Variants in MDGA2 observed in about 807,000 individuals in gnomAD.
MDGA2 encodes the protein MAM domain containing glycosylphosphatidylinositol anchor 2.
Under a neutral mutation model 117.8 loss-of-function variants are expected in MDGA2, and 40 were observed. The observed-to-expected ratio is 0.34, with a 90% confidence interval of 0.26 to 0.44. The LOEUF is 0.44. Among genes scored for constraint, MDGA2 ranks in the 20% least tolerant of loss-of-function variants. MDGA2 has a pLI of 1.00. For synonymous variants in MDGA2, 452 were observed against 439.0 expected (o/e 1.03, Z -0.37); for missense variants, 1,123 against 1,250.6 (o/e 0.90, Z 1.54).
chr14:47,292,607 T>C (rs1227231040), intron 2 of MDGA2, among the ~76,000 whole-genome samples: 1 of 152,034 alleles, frequency 6.6e-6, no homozygotes, highest in Non-Finnish European at 1.5e-5. Context: ...TGGCCATAAA[T>C]CCTTTGAAGG....
intron 1 of MDGA2, among the ~76,000 whole-genome samples, chr14:47,314,039 TTTTAAAAA>T (rs1375842733): frequency 1.3e-5 from 2 of 152,170 alleles, no homozygotes; most frequent in Non-Finnish European, 2.9e-5. Context: ...ATTATTTGAT[TTTTAAAAA>T]CACAGTTTGA....
At chr14:47,077,145 G>C (rs1890525852) in intron 6 of MDGA2, among the ~76,000 whole-genome samples, 1 of 151,996 alleles carries the variant, frequency 6.6e-6, no homozygotes, top group Non-Finnish European at 1.5e-5. Context: ...CTACTGAACA[G>C]CACAGTTAGG....
intron 10 of MDGA2, among the ~76,000 whole-genome samples, chr14:46,892,991 A>T (rs1348258293): frequency 6.6e-6 from 1 of 151,880 alleles, no homozygotes; most frequent in Non-Finnish European, 1.5e-5. Flanking sequence ...TGACCCAGAA[A>T]TCTCTTTTCT....
chr14:46,931,961 G>A (rs1297863845), intron 9 of MDGA2, among the ~76,000 whole-genome samples: 2 of 151,546 alleles, frequency 1.3e-5, no homozygotes, highest in Non-Finnish European at 2.9e-5. Flanking sequence ...CAAAAATATC[G>A]ATGGAATAAC....
chr14:47,028,220 AT>A (rs1367557334), intron 8 of MDGA2, among the ~76,000 whole-genome samples: 4 of 152,130 alleles, frequency 2.6e-5, no homozygotes, highest in Admixed American at 2.0e-4. Flanking sequence ...CATCTGGAAA[AT>A]AACTTTGAAC....
intron 8 of MDGA2, among the ~76,000 whole-genome samples, chr14:47,012,113 T>G (rs1887915323): frequency 6.6e-6 from 1 of 152,050 alleles, no homozygotes; most frequent in Non-Finnish European, 1.5e-5. Flanking sequence ...GATGACAAGA[T>G]CAGAGAAAAA....
At position 47,674,989 on chromosome 14, in the gene MDGA2, T is replaced by TGCG. The variant is rs914380334; in HGVS notation, c.-196_-194dup. ...GGAAGCGGGCTCGAGTCTCCGCAGC[T>TGCG]GCGGCGGCGGCGGCGGCGCGCTGGG... On this transcript the variant is annotated 5_prime_UTR_variant, in exon 1 of 17. Transcript: ENST00000399232. The TGCG allele has an allele frequency of 2.9e-5, 10 of 343,232 alleles. No individual in the cohort carries two copies. The highest frequency in any genetic ancestry group is 1.5e-4 in the African/African-American group (7 of 46,022). The allele number at this position is 343,232 out of a possible 1,614,324, so 21.3% of individuals were successfully genotyped here.
In MDGA2 at chr14:47,341,452, CT is replaced by C. The variant is rs1890620495; in HGVS notation, c.281-39903del. Among the ~76,000 whole-genome samples the C allele has an allele frequency of 3.3e-5, 5 of 152,106 alleles. 1 individual carries two copies. In the South Asian group the frequency reaches 1.0e-3, roughly 31 times the overall value. On this transcript the variant is annotated intron_variant, in intron 1 of 16. Transcript: ENST00000399232. ...CTATTTAAAGTGTAAGAAATATCTGCTCTTTGGTACGTAATTTCTTAATTTG... is the reference window on the plus strand; with the variant it reads ...CTATTTAAAGTGTAAGAAATATCTGCCTTTGGTACGTAATTTCTTAATTTG...
rs973079300 is a variant in MDGA2 at position 47,470,194 on chromosome 14, C to A, written c.281-168644G>T. 4.0e-5 allele frequency among the ~76,000 whole-genome samples: 6 copies of A among 151,826 alleles called. No homozygotes were observed. In the South Asian group the frequency reaches 1.0e-3, roughly 26 times the overall value. ...GTTTTGTTACATAGGTATACACGTGCCACGGCGGTTCGCTGCACCCACCAA... is the reference window on the plus strand; with the variant it reads ...GTTTTGTTACATAGGTATACACGTGACACGGCGGTTCGCTGCACCCACCAA... On this transcript the variant is annotated intron_variant, in intron 1 of 16. Transcript: ENST00000399232.
intron 5 of MDGA2, among the ~76,000 whole-genome samples, chr14:47,106,660 C>T (rs1306196424): frequency 2.0e-5 from 3 of 152,100 alleles, no homozygotes; most frequent in Non-Finnish European, 4.4e-5. Context: ...TGAAGACTGA[C>T]ACTGCCCGAT....
chr14:47,157,966 T>G (rs551516215), intron 3 of MDGA2, among the ~76,000 whole-genome samples: 6 of 151,628 alleles, frequency 4.0e-5, no homozygotes, highest in Non-Finnish European at 8.8e-5. Flanking sequence ...GTCTTGGGTA[T>G]TTCTTCATAG....
intron 3 of MDGA2, among the ~76,000 whole-genome samples, chr14:47,186,220 TA>T (rs1289437353): frequency 9.2e-5 from 14 of 151,726 alleles, no homozygotes; most frequent in Admixed American, 6.6e-4. Context: ...AAATATTCAC[TA>T]TTGTAAAGCA....
rs570285930 is a variant in MDGA2 at position 47,136,790 on chromosome 14, G to C, written c.793-4944C>G. On this transcript the variant is annotated intron_variant, in intron 4 of 16. Transcript: ENST00000399232. ...TGACTAGATAGGAATAGAGCACACA[G>C]TAAGGTTTTAGTAAGCTTCCTGAAC... Among the ~76,000 whole-genome samples the C allele has an allele frequency of 4.6e-5, 7 of 152,306 alleles. 1 individual carries two copies. The highest frequency in any genetic ancestry group is 4.1e-4 in the South Asian group (2 of 4,832).
intron 8 of MDGA2, among the ~76,000 whole-genome samples, chr14:46,959,606 T>C (rs1205533940): frequency 2.0e-5 from 3 of 152,134 alleles, no homozygotes; most frequent in Non-Finnish European, 2.9e-5. Flanking sequence ...TTTTATTTTA[T>C]TACATTTTTG....
intron 7 of MDGA2, among the ~76,000 whole-genome samples, chr14:47,046,937 A>G (rs2138704692): frequency 6.6e-6 from 1 of 152,284 alleles, no homozygotes; most frequent in Non-Finnish European, 1.5e-5. Flanking sequence ...CTACTCTGGG[A>G]GTAACAAAAG....
chr14:46,869,897 T>C (rs1182269593), intron 14 of MDGA2, among the ~76,000 whole-genome samples: 1 of 151,930 alleles, frequency 6.6e-6, no homozygotes, highest in Non-Finnish European at 1.5e-5. Flanking sequence ...TCAGTATCTA[T>C]AGTCCAATAT....
In MDGA2 at chr14:47,004,990, C is replaced by G. The variant is rs577026190; in HGVS notation, c.1819+30021G>C. 6.6e-5 allele frequency among the ~76,000 whole-genome samples: 10 copies of G among 151,614 alleles called. No individual in the cohort carries two copies. In the South Asian group the frequency reaches 2.1e-3, roughly 31 times the overall value. On this transcript the variant is annotated intron_variant, in intron 8 of 16. Transcript: ENST00000399232. ...CAACCTTGTTGAACTCATTTATTAG[C>G]TCTAGTATCTTTTGTAGATTCCATT... is the stretch of plus-strand genomic sequence containing the variant.
chr14:46,877,510 C>G lies in MDGA2; in HGVS notation c.2417-1G>C. The stretch of plus-strand genomic sequence containing the variant: ...TTACTCAAATGAGGATTTACAGGAG[C>G]TACAAGAAAAGCAAAAGAAACAAAC... On this transcript the variant is annotated splice_acceptor_variant, in intron 11 of 16. Coordinates refer to ENST00000399232, the MANE Select transcript of MDGA2 (RefSeq NM_001113498.3). LOFTEE classifies it high-confidence loss of function. 1 of 1,515,542 alleles carries G rather than the reference C, an allele frequency of 6.6e-7. No homozygotes were observed. Among genetic ancestry groups the G allele is most frequent in the Non-Finnish European group, 9.0e-7 (1 of 1,107,806 alleles). The allele number at this position is 1,515,542 out of a possible 1,614,324, so 93.9% of individuals were successfully genotyped here.
At chr14:47,063,809 T>C (rs1464142820) in intron 6 of MDGA2, among the ~76,000 whole-genome samples, 1 of 152,010 alleles carries the variant, frequency 6.6e-6, no homozygotes, top group Non-Finnish European at 1.5e-5. Flanking sequence ...TCTTTTAGAA[T>C]AGTTTTCATT....
Sources: gnomAD v4.1 joint callset for allele counts (sites outside exome capture counted in the v4.1 genomes callset) on GRCh38, gnomAD v4.1.1 for gene constraint, MANE v1.5 for transcripts, NCBI Gene and HGNC (gene_info 2026-07-23, HGNC 2026-07-21) for gene names.